The following C3 variants were observed in gnomAD, a reference collection of about 807,000 sequenced individuals.
C3 encodes complement C3.
C3 carries 97 observed loss-of-function variants against 207.9 expected under a neutral mutation model. That is an observed-to-expected ratio of 0.47 (90% CI 0.40 to 0.55). C3 has a LOEUF of 0.55. C3 is among the 20% of genes least tolerant of loss of function. The pLI is 0.00. For missense variants in C3, 1,684 were observed against 2,171.7 expected (o/e 0.78, Z 4.46); for synonymous variants, 848 against 857.6 (o/e 0.99, Z 0.20).
rs1314834128 is a variant in C3 at position 6,689,291 on chromosome 19, C to CACAGTCCCCCACCCCT, written c.3489+1337_3489+1338insAGGGGTGGGGGACTGT. Among the ~76,000 whole-genome samples the CACAGTCCCCCACCCCT allele has an allele frequency of 3.6e-4, 52 of 144,758 alleles. 1 individual carries two copies. Among genetic ancestry groups the CACAGTCCCCCACCCCT allele is most frequent in the African/African-American group, 1.3e-3 (50 of 38,856 alleles). The allele number at this position is 144,758 out of a possible 152,430, so 95.0% of individuals were successfully genotyped here. A position where few individuals can be genotyped will look rare whatever the true frequency, so the allele number is the denominator to read the frequency against. On this transcript the variant is annotated intron_variant, in intron 27 of 40. Transcript: ENST00000245907. ...ATTTGAAGTCAGATTTGTCTGACCC[C>CACAGTCCCCCACCCCT]ACCTCTCCTCTCTCTCTCTCTCTCT...
chr19:6,690,404 C>G (rs435499), intron 27 of C3, among the ~76,000 whole-genome samples: 3,117 of 152,328 alleles, frequency 0.02, 93 homozygotes, highest in African/African-American at 0.071. Context: ...ACCTTTCAGG[C>G]TGCTAAAAGG....
In C3 at chr19:6,697,484, C is replaced by T. The variant is rs149395057; in HGVS notation, c.2656G>A (p.Val886Ile). 7.4e-6 allele frequency: 12 copies of T among 1,613,792 alleles called. No individual in the cohort carries two copies. The East Asian group carries it at 2.0e-4, about 27-fold the overall frequency. ...AACGAGGACTTGGGGGGGATGGTTA[C>T]GGTCTGCTGGTGACGCCTCTTGGTG... Reference protein sequence around the residue: ...ATTKRRHQQTVTIPPKSSLSV... With the variant: ...ATTKRRHQQTITIPPKSSLSV... The change falls in exon 21 of 41, where the codon GTA becomes ATA. Residue 886 changes from valine to isoleucine, a missense_variant. Transcript: ENST00000245907.
intron 23 of C3, among the ~76,000 whole-genome samples, chr19:6,695,869 G>A (rs1343347448): frequency 6.6e-6 from 1 of 152,086 alleles, no homozygotes; most frequent in African/African-American, 2.4e-5. Context: ...AATGCTATCT[G>A]GAGGCTTCTA....
chr19:6,697,043 A>AAAAAAAAAAAAT (rs762889518), intron 21 of C3, among the ~76,000 whole-genome samples: 1 of 84,836 alleles, frequency 1.2e-5, no homozygotes, highest in Admixed American at 1.4e-4. Flanking sequence ...CTCTGTCTCA[A>AAAAAAAAAAAAT]AAAAATAAAC....
chr19:6,699,177 G>A (rs1223323148), intron 19 of C3, among the ~76,000 whole-genome samples: 11 of 151,554 alleles, frequency 7.3e-5, no homozygotes, highest in Non-Finnish European at 1.5e-4. Flanking sequence ...AGTGGAAAAC[G>A]TTTAAGTATT....
intron 14 of C3, among the ~76,000 whole-genome samples, chr19:6,708,904 T>C (rs1410850096): frequency 1.3e-5 from 2 of 151,972 alleles, no homozygotes; most frequent in African/African-American, 4.8e-5. Context: ...CCCAAGCTGG[T>C]CTGAACTCCT....
In C3 at chr19:6,678,210, C is replaced by T. The variant is rs756415857; in HGVS notation, c.4792G>A (p.Glu1598Lys). ...IKCREALKLE[E>K]KKHYLMWGLS... Reference sequence around the variant, plus strand: ...CCCCACATGAGGTAGTGTTTCTTCTCCTCCAGCTTCAGGGCTTCTCTGCAC... The same window carrying T: ...CCCCACATGAGGTAGTGTTTCTTCTTCTCCAGCTTCAGGGCTTCTCTGCAC... Residue 1598 changes from glutamate (E) to lysine (K), a missense_variant, in exon 40 of 41, where the codon GAG (glutamate) becomes AAG (lysine). This residue lies in a region of C3 where 346 missense variants were observed against 380.1 expected (regional missense o/e 0.91). Transcript: ENST00000245907. 2 of 1,614,176 alleles carry T rather than the reference C, an allele frequency of 1.2e-6. No homozygotes were observed. Among genetic ancestry groups the T allele is most frequent in the Non-Finnish European group, 1.7e-6 (2 of 1,180,034 alleles).
intron 23 of C3, 140 bp downstream of exon 23, chr19:6,696,239 A>T: frequency 5.0e-6 from 3 of 602,616 alleles, no homozygotes; most frequent in East Asian, 3.0e-5. Context: ...AATGTAAAAG[A>T]GGGAAAACAG....
intron 19 of C3, among the ~76,000 whole-genome samples, chr19:6,700,077 G>T: frequency 1.4e-5 from 2 of 143,762 alleles, no homozygotes; most frequent in African/African-American, 2.5e-5. Flanking sequence ...AATAAATTAT[G>T]GTTTATTATA....
At chr19:6,678,130 C>G (rs1481477385) in intron 40 of C3, 22 bp downstream of exon 40, 16 of 1,613,970 alleles carry the variant, frequency 9.9e-6, no homozygotes, top group African/African-American at 1.3e-5. Flanking sequence ...CGGTCGCGCG[C>G]ACGCGCAGGG....
chr19:6,697,267 T>C, intron 21 of C3, 77 bp downstream of exon 21: 1 of 1,108,964 alleles, frequency 9.0e-7, no homozygotes, highest in Non-Finnish European at 1.4e-6. Context: ...AGCCTGGATC[T>C]CCAACCTGAG....
chr19:6,702,475 T>G lies in C3; in HGVS notation c.2350A>C (p.Asn784His). The change falls in exon 18 of 41, where the codon AAT becomes CAT. Residue 784 changes from asparagine (N) to histidine (H), a missense_variant. Transcript: ENST00000245907. Reference protein sequence around the residue: ...NVEDLKEPPKNGISTKLMNIF... With the variant: ...NVEDLKEPPKHGISTKLMNIF... ...CCGGGGGTACCCCGGCCTTACCCAT[T>G]TTTCGGTGGCTCTTTCAAGTCCTCA... 1 of 1,610,886 alleles carries G rather than the reference T, an allele frequency of 6.2e-7. No individual in the cohort carries two copies. Among genetic ancestry groups the G allele is most frequent in the Non-Finnish European group, 8.5e-7 (1 of 1,177,030 alleles).
intron 7 of C3, chr19:6,713,763 C>T: frequency 2.9e-6 from 1 of 342,636 alleles, no homozygotes; most frequent in Non-Finnish European, 5.2e-6. Context: ...TCCCAGCCCC[C>T]ACCTGACTCC....
At chr19:6,693,581 G>A in intron 24 of C3, 94 bp from the exon 25 acceptor site, 1 of 1,112,146 alleles carries the variant, frequency 9.0e-7, no homozygotes, top group Non-Finnish European at 1.3e-6. Flanking sequence ...GAGGGGACAG[G>A]GGCTCAGGGT....
intron 26 of C3, 129 bp downstream of exon 26, chr19:6,692,795 A>T: frequency 8.5e-7 from 1 of 1,178,224 alleles, no homozygotes; most frequent in Non-Finnish European, 1.2e-6. Context: ...GCCTGCCCCC[A>T]CCCCCCAGCC....
intron 27 of C3, among the ~76,000 whole-genome samples, chr19:6,687,289 T>C (rs544926130): frequency 6.6e-6 from 1 of 152,326 alleles, no homozygotes; most frequent in South Asian, 2.1e-4. Context: ...ATTCTCCAAA[T>C]TGTTACTCAT....
chr19:6,699,085 C>T (rs949818787), intron 19 of C3, among the ~76,000 whole-genome samples: 10 of 152,030 alleles, frequency 6.6e-5, no homozygotes, highest in East Asian at 1.9e-4. Flanking sequence ...TGTGAGCCAC[C>T]GTGCCCGACC....
rs755012704 is a variant in C3 at position 6,719,383 on chromosome 19, T to A, written c.95A>T (p.Asn32Ile). Residue 32 changes from asparagine (N) to isoleucine (I), a missense_variant, in exon 2 of 41, where the codon AAC becomes ATC. Around this residue, in one of 3 missense-constraint regions of C3, gnomAD observed 58 missense variants for 52.5 expected, o/e 1.10. Coordinates refer to ENST00000245907, the MANE Select transcript of C3 (RefSeq NM_000064.4). The surrounding 1 kb of genome is among the most constrained non-coding windows in gnomAD (Gnocchi z 5.4). ...CTCCTCGCTCTCCAGCCGCAAGATG[T>A]TGGGGGTGATGATAGAGTACCTGTC... ...GSPMYSIITP[N>I]ILRLESEETM... 4.5e-5 allele frequency: 72 copies of A among 1,613,692 alleles called. No individual in the cohort carries two copies. Among genetic ancestry groups the A allele is most frequent in the Non-Finnish European group, 5.9e-5 (70 of 1,179,924 alleles).
intron 3 of C3, 32 bp from the exon 4 acceptor site, chr19:6,718,196 C>G (rs753921535): frequency 6.2e-7 from 1 of 1,614,090 alleles, no homozygotes; most frequent in East Asian, 2.2e-5. Flanking sequence ...TCGTGAGACC[C>G]TAGCCCGCCC....
Sources: allele counts gnomAD v4.1 joint callset (sites outside exome capture counted in the v4.1 genomes callset), GRCh38; gene constraint gnomAD v4.1.1; regional missense constraint gnomAD v4.1.1; non-coding constraint Gnocchi (gnomAD v3.1); transcripts MANE v1.5; gene names NCBI Gene and HGNC (gene_info 2026-07-23, HGNC 2026-07-21).